Variants in SECISBP2L observed in about 807,000 individuals in gnomAD.
SECISBP2L encodes the protein selenocysteine insertion sequence-binding protein 2-like.
SECISBP2L carries 43 observed loss-of-function variants against 114.7 expected under a neutral mutation model. The ratio of observed to expected loss-of-function variants is 0.38; its 90% confidence interval spans 0.29 to 0.48. The LOEUF is 0.48. Ranked by LOEUF, SECISBP2L falls within the 20% of genes least tolerant of loss-of-function variation. The pLI, the probability that SECISBP2L is intolerant of heterozygous loss-of-function variation, is 0.98. For missense variants in SECISBP2L, 1,136 were observed against 1,301.1 expected (o/e 0.87, Z 1.95); for synonymous variants, 451 against 439.7 (o/e 1.03, Z -0.32).
rs191355780 is a variant in SECISBP2L at position 49,012,178 on chromosome 15, C to T, written c.1732-315G>A. 2.0e-3 allele frequency among the ~76,000 whole-genome samples: 299 copies of T among 151,798 alleles called. 1 individual carries two copies. The highest frequency in any genetic ancestry group is 0.017 in the South Asian group (81 of 4,802). ...TAAAAAGTTTGGAACCCAGGTCATACAGTTACATTTGATTGACATTCTACA... is the reference window on the plus strand; with the variant it reads ...TAAAAAGTTTGGAACCCAGGTCATATAGTTACATTTGATTGACATTCTACA... On this transcript the variant is annotated intron_variant, in intron 12 of 17. Coordinates refer to ENST00000559471, the MANE Select transcript of SECISBP2L (RefSeq NM_001193489.2).
chr15:48,992,699 G>C lies in SECISBP2L; in HGVS notation c.2851C>G (p.Leu951Val). 6.2e-7 allele frequency: 1 copy of C among 1,614,190 alleles called. No homozygotes were observed. The highest frequency in any genetic ancestry group is 8.5e-7 in the Non-Finnish European group (1 of 1,180,042). ...GTACTCTGCTGTGAGGCCCATTCCA[G>C]GTCATCTGGCTTCACTTCCTCTTTA... ...SDKEEVKPDD[L>V]EWASQQSTET... Residue 951 changes from leucine to valine, a missense_variant, in exon 18 of 18, where the codon CTG (leucine) becomes GTG (valine). Physicochemically the swap from Leu to Val is conservative, Grantham distance 32. This residue lies in a region of SECISBP2L where 684 missense variants were observed against 848.7 expected (regional missense o/e 0.81). Coordinates refer to ENST00000559471, the MANE Select transcript of SECISBP2L (RefSeq NM_001193489.2).
Position 49,009,264 on chromosome 15 carries a change from G to A in SECISBP2L, c.1979C>T (p.Pro660Leu). The A allele has an allele frequency of 6.2e-7, 1 of 1,614,108 alleles. No homozygotes were observed. Among genetic ancestry groups the A allele is most frequent in the Non-Finnish European group, 8.5e-7 (1 of 1,179,998 alleles). The stretch of plus-strand genomic sequence containing the variant: ...TTTGGTTATTGTTGAAGATGCCATT[G>A]GACTGCCTATTCCAGAACTAGCAGG... ...GSPASSGIGS[P>L]MASSTITKIH... is the part of the protein sequence containing the mutation. Residue 660 changes from proline to leucine, a missense_variant, in exon 14 of 18, where the codon CCA becomes CTA. This residue lies in a region of SECISBP2L where 684 missense variants were observed against 848.7 expected (regional missense o/e 0.81). Transcript: ENST00000559471.
intron 8 of SECISBP2L, 38 bp from the exon 9 acceptor site, chr15:49,017,666 G>T: frequency 7.0e-7 from 1 of 1,434,842 alleles, no homozygotes; most frequent in Non-Finnish European, 9.6e-7. Context: ...AGAGTTCAAG[G>T]CAAACTCCTA....
intron 16 of SECISBP2L, among the ~76,000 whole-genome samples, chr15:48,997,883 A>C (rs1902127357): frequency 6.6e-6 from 1 of 152,144 alleles, no homozygotes. Flanking sequence ...AAAAAATAAT[A>C]AGATGGCAAA....
intron 4 of SECISBP2L, among the ~76,000 whole-genome samples, chr15:49,029,470 C>A (rs1902836577): frequency 1.3e-5 from 2 of 152,182 alleles, no homozygotes; most frequent in Admixed American, 1.3e-4. Context: ...CCCTGCCACA[C>A]CTCAACACTG....
chr15:49,043,762 T>C (rs1903188285), intron 1 of SECISBP2L, among the ~76,000 whole-genome samples: 1 of 152,178 alleles, frequency 6.6e-6, no homozygotes, highest in South Asian at 2.1e-4. Context: ...ACTCCTAAGA[T>C]TTTCTTCTAG....
intron 17 of SECISBP2L, among the ~76,000 whole-genome samples, chr15:48,995,574 C>A (rs1463980863): frequency 1.3e-5 from 2 of 151,418 alleles, no homozygotes; most frequent in African/African-American, 4.9e-5. Flanking sequence ...GAACAAAGAG[C>A]CAAATGAAAG....
In SECISBP2L at chr15:48,999,930, G is replaced by C; in HGVS notation, c.2306C>G (p.Pro769Arg). The C allele has an allele frequency of 4.3e-6, 7 of 1,613,954 alleles. No homozygotes were observed. Among genetic ancestry groups the C allele is most frequent in the Non-Finnish European group, 5.9e-6 (7 of 1,179,940 alleles). The stretch of plus-strand genomic sequence containing the variant: ...TTTCCTTCCAAGGGCAAACACAAAA[G>C]GAATTTCTTGTTCCCGTGCCATGGC... ...VIAMAREQEIPFVFALGRKAL... is the reference protein window; with the variant it reads ...VIAMAREQEIRFVFALGRKAL... Residue 769 changes from proline (P) to arginine (R), a missense_variant, in exon 16 of 18, where the codon CCT (proline) becomes CGT (arginine). Coordinates refer to ENST00000559471, the MANE Select transcript of SECISBP2L (RefSeq NM_001193489.2).
At chr15:49,020,762 C>A (rs1165122187) in intron 7 of SECISBP2L, among the ~76,000 whole-genome samples, 4 of 152,120 alleles carry the variant, frequency 2.6e-5, no homozygotes, top group Admixed American at 2.0e-4. Flanking sequence ...TCCTGCCTCG[C>A]CTCCCAAAGT....
At chr15:49,034,595 C>T (rs904560344) in intron 3 of SECISBP2L, among the ~76,000 whole-genome samples, 2 of 150,996 alleles carry the variant, frequency 1.3e-5, no homozygotes, top group South Asian at 2.1e-4. Flanking sequence ...AAAGTTGAAG[C>T]GATCTAATGA....
Position 49,012,781 on chromosome 15 carries a change from G to A in SECISBP2L, c.1598C>T (p.Thr533Ile), listed in dbSNP as rs763440176. The A allele has an allele frequency of 3.7e-5, 59 of 1,612,886 alleles. No individual in the cohort carries two copies. The highest frequency in any genetic ancestry group is 5.0e-5 in the Non-Finnish European group (59 of 1,179,418). The change falls in exon 12 of 18, where the codon ACT (threonine) becomes ATT (isoleucine). Residue 533 changes from threonine (T) to isoleucine (I), a missense_variant. This residue lies in a region of SECISBP2L where 684 missense variants were observed against 848.7 expected (regional missense o/e 0.81). Coordinates refer to ENST00000559471, the MANE Select transcript of SECISBP2L (RefSeq NM_001193489.2). ...ACTTTTGGTTAAAGGTTTTCTATTA[G>A]TAGAGTCTTTAGTGTGAAAAGAAGC... is the stretch of plus-strand genomic sequence containing the variant. ...TAASFHTKDS[T>I]NRKPLTKSQP...
chr15:49,028,291 C>A, intron 5 of SECISBP2L, 123 bp from the exon 6 acceptor site: 1 of 978,224 alleles, frequency 1.0e-6, no homozygotes, highest in South Asian at 1.8e-5. Flanking sequence ...CATACTTCTT[C>A]ATAAATGAAT....
At chr15:49,020,476 T>C (rs1902620402) in intron 7 of SECISBP2L, among the ~76,000 whole-genome samples, 1 of 152,046 alleles carries the variant, frequency 6.6e-6, no homozygotes, top group Non-Finnish European at 1.5e-5. Context: ...CCTCTCAAAG[T>C]ACTGAGATTA....
intron 7 of SECISBP2L, among the ~76,000 whole-genome samples, chr15:49,020,764 T>C (rs1322605355): frequency 6.6e-6 from 1 of 152,142 alleles, no homozygotes; most frequent in Non-Finnish European, 1.5e-5. Flanking sequence ...CTGCCTCGCC[T>C]CCCAAAGTGC....
Position 48,996,441 on chromosome 15 carries a change from G to T in SECISBP2L, c.2549C>A (p.Pro850His). 6.2e-7 allele frequency: 1 copy of T among 1,614,032 alleles called. No individual in the cohort carries two copies. Among genetic ancestry groups the T allele is most frequent in the African/African-American group, 1.3e-5 (1 of 75,012 alleles). ...GAAAGAAATGGCACTTGCTGCAGAG[G>T]GATTCCGAGAATGTCCCATGTGGTG... The part of the protein sequence containing the change: ...VPHHMGHSRN[P>H]SAASAISFCS... Residue 850 changes from proline (P) to histidine (H), a missense_variant, in exon 17 of 18, where the codon CCC (proline) becomes CAC (histidine). This residue lies in a region of SECISBP2L where 684 missense variants were observed against 848.7 expected (regional missense o/e 0.81). Transcript: ENST00000559471.
intron 7 of SECISBP2L, 28 bp downstream of exon 7, chr15:49,027,337 C>G (rs890179302): frequency 1.3e-6 from 2 of 1,526,044 alleles, no homozygotes; most frequent in Non-Finnish European, 1.8e-6. Flanking sequence ...CATACCTAAT[C>G]AATTTTCTCC....
rs1901946321 is a variant in SECISBP2L at position 48,990,334 on chromosome 15, C to G, written c.*1910G>C. 2 of 152,646 alleles carry G rather than the reference C, an allele frequency of 1.3e-5. No individual in the cohort carries two copies. Among genetic ancestry groups the G allele is most frequent in the Non-Finnish European group, 2.9e-5 (2 of 68,010 alleles). The allele number at this position is 152,646 out of a possible 1,614,324, so 9.5% of individuals were successfully genotyped here. A position where few individuals can be genotyped will look rare whatever the true frequency, so the allele number is the denominator to read the frequency against. On this transcript the variant is annotated 3_prime_UTR_variant, in exon 18 of 18. Transcript: ENST00000559471. ...TAAGACTGTCAGTAGTTCAAAACCT[C>G]TATCATTTCTTTAAACCAACGAACA...
chr15:49,037,172 A>G (rs1488492481), intron 2 of SECISBP2L, among the ~76,000 whole-genome samples: 1 of 149,204 alleles, frequency 6.7e-6, no homozygotes, highest in Non-Finnish European at 1.5e-5. Context: ...AAATACTAAT[A>G]TATGCTAACC....
intron 13 of SECISBP2L, among the ~76,000 whole-genome samples, chr15:49,010,153 A>C (rs1040305666): frequency 1.4e-5 from 2 of 147,382 alleles, no homozygotes; most frequent in Non-Finnish European, 3.0e-5. Flanking sequence ...ACACACACAC[A>C]CCCCTCTTGC....
Sources: gnomAD v4.1 joint callset for allele counts (sites outside exome capture counted in the v4.1 genomes callset) on GRCh38, gnomAD v4.1.1 for gene constraint, gnomAD v4.1.1 regional missense constraint, MANE v1.5 for transcripts, NCBI Gene and HGNC (gene_info 2026-07-23, HGNC 2026-07-21) for gene names.